AGBL4: variants seen among roughly 807,000 people sequenced by gnomAD.
AGBL4 encodes cytosolic carboxypeptidase 6.
AGBL4 carries 58 observed loss-of-function variants against 66.4 expected under a neutral mutation model. The ratio of observed to expected loss-of-function variants is 0.87; its 90% CI spans 0.71 to 1.09. The LOEUF is 1.09. AGBL4 is among the 50% of genes least tolerant of loss of function. The pLI is 0.00. For synonymous variants in AGBL4, 234 were observed against 222.9 expected, an observed-to-expected ratio of 1.05 and a Z score of -0.44; for missense variants, 579 against 631.0, an observed-to-expected ratio of 0.92 and a Z score of 0.88.
intron 1 of AGBL4, among the ~76,000 whole-genome samples, chr1:49,939,584 G>C (rs560227576): frequency 1.1e-4 from 16 of 152,114 alleles, no homozygotes; most frequent in African/African-American, 3.4e-4. Flanking sequence ...ACAAACCTGA[G>C]AAAAACAAGC....
At chr1:50,017,052 T>C (rs747634581) in intron 1 of AGBL4, 1 of 151,958 alleles carries the variant, frequency 6.6e-6, no homozygotes, top group African/African-American at 2.4e-5. Context: ...CCATCAACAG[T>C]GGACAGGGAA....
chr1:49,833,717 T>C (rs1226719995), intron 2 of AGBL4, among the ~76,000 whole-genome samples: 8 of 152,216 alleles, frequency 5.3e-5, no homozygotes, highest in Non-Finnish European at 1.2e-4. Context: ...ACGTCCGTTG[T>C]AAGTTGGATT....
At chr1:48,638,603 T>C in intron 8 of AGBL4, among the ~76,000 whole-genome samples, 1 of 152,230 alleles carries the variant, frequency 6.6e-6, no homozygotes, top group East Asian at 1.9e-4. Context: ...GGATTTTCAC[T>C]CCCTGCACAT....
At chr1:48,920,343 T>G (rs953578009) in intron 5 of AGBL4, among the ~76,000 whole-genome samples, 1 of 152,238 alleles carries the variant, frequency 6.6e-6, no homozygotes, top group Non-Finnish European at 1.5e-5. Flanking sequence ...CTCTAATTTT[T>G]GCTACAATTC....
At chr1:49,765,048 C>T (rs984667690) in intron 2 of AGBL4, among the ~76,000 whole-genome samples, 3 of 152,154 alleles carry the variant, frequency 2.0e-5, no homozygotes, top group African/African-American at 7.2e-5. Flanking sequence ...CCCAGTCGCC[C>T]TTCTCAGGAC....
At chr1:48,902,907 G>A (rs1443407308) in intron 5 of AGBL4, among the ~76,000 whole-genome samples, 1 of 152,062 alleles carries the variant, frequency 6.6e-6, no homozygotes. Context: ...CACTTGTGAG[G>A]CCTTCTAAGA....
chr1:49,822,310 CGTGT>C (rs143957066), intron 2 of AGBL4, among the ~76,000 whole-genome samples: 133 of 145,848 alleles, frequency 9.1e-4, no homozygotes, highest in South Asian at 3.9e-3. Context: ...CTTCTTTCTT[CGTGT>C]GTGTGTGTGT....
chr1:49,654,530 C>G (rs1021044226), intron 3 of AGBL4, among the ~76,000 whole-genome samples: 37 of 152,164 alleles, frequency 2.4e-4, no homozygotes, highest in Non-Finnish European at 4.9e-4. Flanking sequence ...GGGGGTTAAA[C>G]TCTCCCATTA....
intron 3 of AGBL4, among the ~76,000 whole-genome samples, chr1:49,603,795 TGTAA>T (rs1645011810): frequency 6.6e-6 from 1 of 152,084 alleles, no homozygotes; most frequent in African/African-American, 2.4e-5. Context: ...AGGCCGCACT[TGTAA>T]GTGAGAACAT....
chr1:49,739,666 C>A (rs894743603), intron 2 of AGBL4, among the ~76,000 whole-genome samples: 1 of 152,126 alleles, frequency 6.6e-6, no homozygotes, highest in African/African-American at 2.4e-5. Flanking sequence ...GGTTGGGTTA[C>A]CCACATAGGG....
At chr1:49,781,680 A>C (rs765831381) in intron 2 of AGBL4, among the ~76,000 whole-genome samples, 16 of 152,150 alleles carry the variant, frequency 1.1e-4, no homozygotes, top group South Asian at 6.2e-4. Flanking sequence ...ACAGCAGCAG[A>C]GTATACAATT....
chr1:49,142,079 G>A (rs901511785), intron 4 of AGBL4, among the ~76,000 whole-genome samples: 2 of 152,082 alleles, frequency 1.3e-5, no homozygotes, highest in African/African-American at 4.8e-5. Context: ...ATAGGAGTGA[G>A]AACCCTATTG....
intron 6 of AGBL4, among the ~76,000 whole-genome samples, chr1:48,799,761 T>A (rs1645768069): frequency 6.6e-6 from 1 of 152,146 alleles, no homozygotes. Context: ...ATCATGTGAT[T>A]TTATTTGTCT....
chr1:49,933,731 A>G (rs1653616317), intron 1 of AGBL4, among the ~76,000 whole-genome samples: 3 of 152,128 alleles, frequency 2.0e-5, no homozygotes, highest in Admixed American at 2.0e-4. Flanking sequence ...GTAACTACAG[A>G]ATATTTTATA....
chr1:49,440,779 G>T (rs940391206), intron 3 of AGBL4, among the ~76,000 whole-genome samples: 3 of 152,188 alleles, frequency 2.0e-5, no homozygotes, highest in African/African-American at 4.8e-5. Flanking sequence ...GCCTCGCCAG[G>T]TATCTACTGT....
intron 2 of AGBL4, among the ~76,000 whole-genome samples, chr1:49,819,717 G>A (rs936944898): frequency 6.6e-6 from 1 of 151,964 alleles, no homozygotes; most frequent in African/African-American, 2.4e-5. Flanking sequence ...CACACCATAC[G>A]CTCTATTCTC....
In AGBL4 at chr1:48,896,804, G is replaced by T. The variant is rs573343477; in HGVS notation, c.595-29574C>A. ...TTTTTTTTACTAGTACAAATAAAAA[G>T]ATTTATTTTGAAGCAAACTAATACT... On this transcript the variant is annotated intron_variant, in intron 5 of 13. Coordinates refer to ENST00000371839, the MANE Select transcript of AGBL4 (RefSeq NM_032785.4). Among the ~76,000 whole-genome samples the T allele has an allele frequency of 1.7e-4, 26 of 151,838 alleles. 1 individual carries two copies. The South Asian group carries it at 5.0e-3, about 29-fold the overall frequency.
intron 4 of AGBL4, among the ~76,000 whole-genome samples, chr1:49,066,746 T>C (rs1644499182): frequency 6.6e-6 from 1 of 152,210 alleles, no homozygotes. Context: ...CCAGGATCTA[T>C]GTCCCTGGGA....
intron 6 of AGBL4, among the ~76,000 whole-genome samples, chr1:48,865,388 T>C (rs1193444947): frequency 6.6e-6 from 1 of 152,176 alleles, no homozygotes; most frequent in East Asian, 1.9e-4. Flanking sequence ...CCTGTGTCCC[T>C]GAGAGCTGAG....
Sources: allele counts gnomAD v4.1 joint callset (sites outside exome capture counted in the v4.1 genomes callset), GRCh38; gene constraint gnomAD v4.1.1; transcripts MANE v1.5; gene names NCBI Gene and HGNC (gene_info 2026-07-23, HGNC 2026-07-21).